The following ANKS1B variants were observed in gnomAD, a reference collection of about 807,000 sequenced individuals.
ANKS1B encodes the protein ankyrin repeat and sterile alpha motif domain-containing protein 1B.
In ANKS1B, 36 loss-of-function variants were observed where a neutral mutation model predicts 148.3. That is an observed-to-expected ratio of 0.24 (90% CI 0.19 to 0.32). ANKS1B has a LOEUF of 0.32. Among genes scored for constraint, ANKS1B ranks in the 10% least tolerant of loss-of-function variants. The probability of loss-of-function intolerance (pLI) is 1.00; values close to 1 mark genes in which losing one functional copy is unlikely to be tolerated. For synonymous variants in ANKS1B, 542 were observed against 560.8 expected (o/e 0.97, Z 0.47); for missense variants, 1,157 against 1,542.6 (o/e 0.75, Z 4.19).
At chr12:99,468,994 T>TAATA (rs1278156609) in intron 10 of ANKS1B, among the ~76,000 whole-genome samples, 3 of 152,046 alleles carry the variant, frequency 2.0e-5, no homozygotes, top group Non-Finnish European at 4.4e-5. Flanking sequence ...TGCACACGTA[T>TAATA]GTTTATTGCA....
chr12:98,891,583 A>C (rs1269682149), intron 17 of ANKS1B, among the ~76,000 whole-genome samples: 1 of 152,208 alleles, frequency 6.6e-6, no homozygotes, highest in Non-Finnish European at 1.5e-5. Context: ...GGGAAGATAA[A>C]TGCATTCACG....
At chr12:99,503,128 G>A (rs1441850785) in intron 10 of ANKS1B, among the ~76,000 whole-genome samples, 1 of 152,112 alleles carries the variant, frequency 6.6e-6, no homozygotes, top group Non-Finnish European at 1.5e-5. Flanking sequence ...GTAGCAATGG[G>A]GTTTCACCAG....
chr12:98,980,360 C>A (rs1305696700), intron 17 of ANKS1B, among the ~76,000 whole-genome samples: 1 of 152,168 alleles, frequency 6.6e-6, no homozygotes, highest in Non-Finnish European at 1.5e-5. Flanking sequence ...GCCACCACGC[C>A]CAGCTAATTT....
intron 1 of ANKS1B, among the ~76,000 whole-genome samples, chr12:99,941,441 T>C (rs780388325): frequency 2.1e-5 from 3 of 144,958 alleles, no homozygotes; most frequent in Non-Finnish European, 4.5e-5. Context: ...TGAAGTAGAA[T>C]AAAGGCAGTG....
At chr12:99,537,359 A>G (rs145124137) in intron 9 of ANKS1B, among the ~76,000 whole-genome samples, 47 of 152,254 alleles carry the variant, frequency 3.1e-4, no homozygotes, top group African/African-American at 1.1e-3. Flanking sequence ...TAATGGTTGT[A>G]CTAATTTACA....
intron 15 of ANKS1B, among the ~76,000 whole-genome samples, chr12:99,090,546 T>C (rs902876949): frequency 5.3e-5 from 8 of 152,160 alleles, no homozygotes; most frequent in African/African-American, 1.9e-4. Context: ...ATATTTAAAA[T>C]AGAATCACTG....
At chr12:98,905,807 G>C (rs543692492) in intron 17 of ANKS1B, among the ~76,000 whole-genome samples, 2 of 151,678 alleles carry the variant, frequency 1.3e-5, no homozygotes, top group Non-Finnish European at 2.9e-5. Flanking sequence ...GACATGAGAC[G>C]TAGGAGCCAG....
At chr12:98,893,900 G>A (rs1407227431) in intron 17 of ANKS1B, among the ~76,000 whole-genome samples, 1 of 152,202 alleles carries the variant, frequency 6.6e-6, no homozygotes, top group Non-Finnish European at 1.5e-5. Context: ...ACGGGGCGAT[G>A]GCAGCATCCT....
intron 8 of ANKS1B, among the ~76,000 whole-genome samples, chr12:99,669,213 T>C (rs2098524786): frequency 6.6e-6 from 1 of 152,024 alleles, no homozygotes; most frequent in Non-Finnish European, 1.5e-5. Context: ...CTCTGTCACC[T>C]AGGCTGGAGT....
At chr12:99,387,183 G>A (rs1355388291) in intron 12 of ANKS1B, among the ~76,000 whole-genome samples, 1 of 152,158 alleles carries the variant, frequency 6.6e-6, no homozygotes, top group African/African-American at 2.4e-5. Context: ...GGAGGTTACT[G>A]GCATAGACAT....
intron 9 of ANKS1B, among the ~76,000 whole-genome samples, chr12:99,569,701 C>T (rs1159225610): frequency 6.6e-6 from 1 of 152,092 alleles, no homozygotes; most frequent in Non-Finnish European, 1.5e-5. Context: ...GCCTTTTCAC[C>T]CAATGTCCAC....
At chr12:98,769,014 C>T (rs2098529330) in intron 25 of ANKS1B, among the ~76,000 whole-genome samples, 1 of 152,152 alleles carries the variant, frequency 6.6e-6, no homozygotes, top group East Asian at 1.9e-4. Context: ...CAGATAAAAA[C>T]ATGGGATATG....
At chr12:99,338,106 C>T (rs907303591) in intron 12 of ANKS1B, among the ~76,000 whole-genome samples, 1 of 152,142 alleles carries the variant, frequency 6.6e-6, no homozygotes, top group Non-Finnish European at 1.5e-5. Context: ...TGTGTACTTC[C>T]CTTCAGGGAG....
At chr12:99,702,891 G>A (rs2055098055) in intron 8 of ANKS1B, among the ~76,000 whole-genome samples, 1 of 151,950 alleles carries the variant, frequency 6.6e-6, no homozygotes, top group South Asian at 2.1e-4. Flanking sequence ...TCTTTTAGTA[G>A]TTTCATAGTT....
chr12:99,875,915 A>C (rs988069913), intron 1 of ANKS1B, among the ~76,000 whole-genome samples: 1 of 152,240 alleles, frequency 6.6e-6, no homozygotes, highest in Non-Finnish European at 1.5e-5. Context: ...GCTAGGAAGT[A>C]TCAAGATGTA....
At chr12:99,357,051 T>A (rs1022621255) in intron 12 of ANKS1B, among the ~76,000 whole-genome samples, 2 of 151,962 alleles carry the variant, frequency 1.3e-5, no homozygotes, top group African/African-American at 4.8e-5. Flanking sequence ...TGCCTCCTCG[T>A]CAACTGAGAA....
intron 10 of ANKS1B, among the ~76,000 whole-genome samples, chr12:99,465,885 GA>G (rs1189756897): frequency 6.6e-6 from 1 of 152,034 alleles, no homozygotes; most frequent in Non-Finnish European, 1.5e-5. Context: ...ACAGATCAAC[GA>G]GACAGAAAGT....
chr12:99,812,212 C>T lies in ANKS1B; in HGVS notation c.315G>A (p.Val105=), dbSNP rs2068463336. 6.2e-7 allele frequency: 1 copy of T among 1,611,998 alleles called. No individual in the cohort carries two copies. Among genetic ancestry groups the T allele is most frequent in the Non-Finnish European group, 8.5e-7 (1 of 1,178,648 alleles). ...GATGAATAAGAATCTTCACAATTTCCACATCTCCTTTCCAGGCAGCCAGGT... is the reference window on the plus strand; with the variant it reads ...GATGAATAAGAATCTTCACAATTTCTACATCTCCTTTCCAGGCAGCCAGGT... ...PIHLAAWKGD[V]EIVKILIHHG... is the part of the protein sequence containing the mutation. Residue 105 remains valine (V), a synonymous_variant, in exon 3 of 27, where the codon GTG becomes GTA. Transcript: ENST00000683438.
In ANKS1B at chr12:99,984,136, T is replaced by C. The variant is rs932163728; in HGVS notation, c.102A>G (p.Gly34=). 15 of 1,613,658 alleles carry C rather than the reference T, an allele frequency of 9.3e-6. No individual in the cohort carries two copies. Among genetic ancestry groups the C allele is most frequent in the Middle Eastern group, 1.6e-4 (1 of 6,084 alleles). The change falls in exon 1 of 27, where the codon GGA becomes GGG. Residue 34 remains glycine, a synonymous_variant. Transcript: ENST00000683438. ...SGRKGGILGG[G]SGPLPLSNLL... Reference sequence around the variant, plus strand: ...GATTAGACAGGGGCAGGGGTCCGGATCCACCGCCCAGGATCCCTCCTTTCC... The same window carrying C: ...GATTAGACAGGGGCAGGGGTCCGGACCCACCGCCCAGGATCCCTCCTTTCC...
Sources: gnomAD v4.1 joint callset for allele counts (sites outside exome capture counted in the v4.1 genomes callset) on GRCh38, gnomAD v4.1.1 for gene constraint, MANE v1.5 for transcripts, NCBI Gene and HGNC (gene_info 2026-07-23, HGNC 2026-07-21) for gene names.